CNTNAP2: variants seen among roughly 807,000 people sequenced by gnomAD.
CNTNAP2 encodes the protein contactin associated protein 2, also known as contactin-associated protein-like 2.
Under a neutral mutation model 155.2 loss-of-function variants are expected in CNTNAP2, and 98 were observed. That is an observed-to-expected ratio of 0.63 (90% confidence interval 0.54 to 0.75). The LOEUF is 0.75. CNTNAP2 is among the 30% of genes least tolerant of loss of function. The pLI, the probability that CNTNAP2 is intolerant of heterozygous loss-of-function variation, is 0.00. For missense variants in CNTNAP2, 1,727 were observed against 1,688.1 expected, an observed-to-expected ratio of 1.02 and a Z score of -0.40; for synonymous variants, 651 against 631.2, an observed-to-expected ratio of 1.03 and a Z score of -0.47.
rs189280712 is a variant in CNTNAP2, at chr7:147,826,627, A to G, written c.2099-76938A>G. 4.6e-5 allele frequency among the ~76,000 whole-genome samples: 7 copies of G among 152,328 alleles called. No homozygotes were observed. The East Asian group carries it at 1.4e-3, about 29-fold the overall frequency. Reference sequence around the variant, plus strand: ...GCATTTATACCCCAGGTTTTTTCTAATATTTTATCAGAGATATCAAAGAGA... The same window carrying G: ...GCATTTATACCCCAGGTTTTTTCTAGTATTTTATCAGAGATATCAAAGAGA... On this transcript the variant is annotated intron_variant, in intron 13 of 23. Transcript: ENST00000361727.
intron 15 of CNTNAP2, among the ~76,000 whole-genome samples, chr7:148,000,793 G>A (rs1000292106): frequency 2.0e-5 from 3 of 152,208 alleles, no homozygotes; most frequent in Non-Finnish European, 2.9e-5. Flanking sequence ...GTCTGCCTTA[G>A]CAAATTACCA....
In CNTNAP2 at chr7:146,602,381, T is replaced by C. The variant is rs367733036; in HGVS notation, c.98-171890T>C. Among the ~76,000 whole-genome samples the C allele has an allele frequency of 2.0e-5, 3 of 152,102 alleles. No homozygotes were observed. In the East Asian group the frequency reaches 5.8e-4, roughly 29 times the overall value. On this transcript the variant is annotated intron_variant, in intron 1 of 23. Transcript: ENST00000361727. ...TGATCAACAGCATCTAATGTTGCAATAGGTGTTTATTCATACAGAGTAAGA... is the reference window on the plus strand; with the variant it reads ...TGATCAACAGCATCTAATGTTGCAACAGGTGTTTATTCATACAGAGTAAGA...
At chr7:148,302,311 G>A (rs780936177) in intron 21 of CNTNAP2, among the ~76,000 whole-genome samples, 3 of 152,220 alleles carry the variant, frequency 2.0e-5, no homozygotes, top group Non-Finnish European at 4.4e-5. Flanking sequence ...TGTACATTAA[G>A]ACCCAGAAGG....
chr7:146,535,635 A>G (rs55756201), intron 1 of CNTNAP2, among the ~76,000 whole-genome samples: 66,524 of 149,736 alleles, frequency 0.44, 16,740 homozygotes, highest in African/African-American at 0.7. Context: ...TGTTTTAGAT[A>G]CAAGGGCTAC....
At chr7:147,135,956 T>C (rs1801469220) in intron 8 of CNTNAP2, among the ~76,000 whole-genome samples, 2 of 151,564 alleles carry the variant, frequency 1.3e-5, no homozygotes, top group South Asian at 2.1e-4. Context: ...AAATTTGTCT[T>C]ATGGGAACAG....
At chr7:146,681,274 A>G (rs1800496827) in intron 1 of CNTNAP2, among the ~76,000 whole-genome samples, 1 of 150,660 alleles carries the variant, frequency 6.6e-6, no homozygotes, top group Non-Finnish European at 1.5e-5. Flanking sequence ...GCCTTTTGGG[A>G]GACAGGAGGG....
chr7:146,428,037 C>G (rs1303435580), intron 1 of CNTNAP2, among the ~76,000 whole-genome samples: 2 of 152,154 alleles, frequency 1.3e-5, no homozygotes, highest in Non-Finnish European at 2.9e-5. Flanking sequence ...ATAATGGCCC[C>G]CAGCTCCATC....
At chr7:148,377,072 C>A (rs1212247354) in intron 21 of CNTNAP2, among the ~76,000 whole-genome samples, 1 of 67,702 alleles carries the variant, frequency 1.5e-5, no homozygotes, top group African/African-American at 3.6e-5. Context: ...TCACCTACGG[C>A]CAAATGGGAC....
rs574582677 is a variant in CNTNAP2, at chr7:146,529,958, C to T, written c.98-244313C>T. Among the ~76,000 whole-genome samples the T allele has an allele frequency of 4.6e-3, 596 of 128,960 alleles. 7 individuals carry two copies. Among genetic ancestry groups the T allele is most frequent in the African/African-American group, 0.02 (561 of 28,198 alleles). The allele number at this position is 128,960 out of a possible 152,430, so 84.6% of individuals were successfully genotyped here. ...CTAGCCTGGTGACAGAATGAGACTC[C>T]GTCTCAAAACAACAACAACAACAAC... is the stretch of plus-strand genomic sequence containing the variant. On this transcript the variant is annotated intron_variant, in intron 1 of 23. Transcript: ENST00000361727.
intron 1 of CNTNAP2, among the ~76,000 whole-genome samples, chr7:146,365,237 G>T (rs1415262165): frequency 6.6e-6 from 1 of 152,086 alleles, no homozygotes; most frequent in Non-Finnish European, 1.5e-5. Flanking sequence ...CTTAATACAG[G>T]TGTCACCTCA....
intron 13 of CNTNAP2, among the ~76,000 whole-genome samples, chr7:147,725,481 C>A (rs1027448252): frequency 2.0e-5 from 3 of 152,008 alleles, no homozygotes; most frequent in Non-Finnish European, 4.4e-5. Context: ...AAAGCCCTGC[C>A]TTGGGCAGGG....
chr7:146,594,508 G>A (rs932826741), intron 1 of CNTNAP2, among the ~76,000 whole-genome samples: 1 of 151,302 alleles, frequency 6.6e-6, no homozygotes, highest in African/African-American at 2.4e-5. Flanking sequence ...GGTATATTTG[G>A]ATCATTGAGT....
At chr7:147,010,963 G>A (rs1427592078) in intron 3 of CNTNAP2, among the ~76,000 whole-genome samples, 4 of 152,046 alleles carry the variant, frequency 2.6e-5, no homozygotes, top group African/African-American at 9.7e-5. Flanking sequence ...ATCAAAGTTA[G>A]TATCACCATA....
intron 1 of CNTNAP2, among the ~76,000 whole-genome samples, chr7:146,237,001 A>G (rs1485455815): frequency 6.6e-6 from 1 of 152,148 alleles, no homozygotes; most frequent in African/African-American, 2.4e-5. Flanking sequence ...TAGACTATTA[A>G]GCTAACTTCT....
At chr7:148,021,760 G>C (rs1048863612) in intron 15 of CNTNAP2, among the ~76,000 whole-genome samples, 2 of 152,176 alleles carry the variant, frequency 1.3e-5, no homozygotes, top group African/African-American at 4.8e-5. Flanking sequence ...GGCTCGCAGA[G>C]AAGGGCACCA....
intron 1 of CNTNAP2, among the ~76,000 whole-genome samples, chr7:146,308,198 A>G (rs1563031286): frequency 1.3e-5 from 2 of 152,360 alleles, no homozygotes; most frequent in Admixed American, 6.5e-5. Context: ...AAAAGAAGAC[A>G]TTTATGCAGC....
At chr7:146,291,072 T>A (rs1563023807) in intron 1 of CNTNAP2, among the ~76,000 whole-genome samples, 2 of 152,210 alleles carry the variant, frequency 1.3e-5, no homozygotes, top group Non-Finnish European at 2.9e-5. Flanking sequence ...ATCAGTTACA[T>A]CAATTTGAAT....
intron 1 of CNTNAP2, among the ~76,000 whole-genome samples, chr7:146,679,572 G>A (rs148132857): frequency 0.057 from 8,730 of 151,994 alleles, 491 homozygotes; most frequent in African/African-American, 0.14. Flanking sequence ...GGCCAGGCTG[G>A]TCTCGAACGC....
chr7:146,192,683 G>A (rs953659062), intron 1 of CNTNAP2, among the ~76,000 whole-genome samples: 2 of 152,052 alleles, frequency 1.3e-5, no homozygotes, highest in African/African-American at 4.8e-5. Flanking sequence ...AAGGTGGGTG[G>A]GGACACAGCA....
Sources: allele counts gnomAD v4.1 joint callset (sites outside exome capture counted in the v4.1 genomes callset), GRCh38; gene constraint gnomAD v4.1.1; transcripts MANE v1.5; gene names NCBI Gene and HGNC (gene_info 2026-07-23, HGNC 2026-07-21).